Variants in KCNMB2 observed in about 807,000 individuals in gnomAD.
The protein encoded by KCNMB2 is calcium-activated potassium channel subunit beta-2.
In KCNMB2, 9 loss-of-function variants were observed where a neutral mutation model predicts 24.5. The observed-to-expected ratio is 0.37, with a 90% CI of 0.22 to 0.64. KCNMB2 has a LOEUF of 0.64. Among genes scored for constraint, KCNMB2 ranks in the 30% least tolerant of loss-of-function variants. KCNMB2 has a pLI of 0.63. For missense variants in KCNMB2, 226 were observed against 284.3 expected, an observed-to-expected ratio of 0.79 and a Z score of 1.47; for synonymous variants, 109 against 104.4, an observed-to-expected ratio of 1.04 and a Z score of -0.27.
intron 1 of KCNMB2, among the ~76,000 whole-genome samples, chr3:178,569,638 TG>T (rs1461645233): frequency 7.0e-6 from 1 of 143,394 alleles, no homozygotes; most frequent in African/African-American, 3.0e-5. Context: ...CCTCACAGCC[TG>T]GTGTATTGAA....
At chr3:178,562,583 T>G (rs1267884791) in intron 1 of KCNMB2, among the ~76,000 whole-genome samples, 1 of 152,274 alleles carries the variant, frequency 6.6e-6, no homozygotes, top group African/African-American at 2.4e-5. Context: ...CACTCTTCAG[T>G]AATGCCTTGG....
intron 1 of KCNMB2, among the ~76,000 whole-genome samples, chr3:178,778,462 A>ACGCACGTGCGCGCGCGCGCGCGCG (rs1437410515): frequency 1.6e-5 from 1 of 63,538 alleles, no homozygotes; most frequent in Non-Finnish European, 3.0e-5. Context: ...TAAGACACAC[A>ACGCACGTGCGCGCGCGCGCGCGCG]CACACACACA....
At chr3:178,815,558 A>G (rs1357692922) in intron 2 of KCNMB2, among the ~76,000 whole-genome samples, 2 of 152,162 alleles carry the variant, frequency 1.3e-5, no homozygotes, top group Non-Finnish European at 2.9e-5. Context: ...CTAGTAAATC[A>G]GTAAATCATG....
intron 1 of KCNMB2, among the ~76,000 whole-genome samples, chr3:178,789,642 T>C (rs1444417054): frequency 6.6e-6 from 1 of 152,140 alleles, no homozygotes; most frequent in African/African-American, 2.4e-5. Flanking sequence ...AATTCACAGC[T>C]GCCCTGTCAC....
chr3:178,698,606 C>T (rs948158361), intron 1 of KCNMB2, among the ~76,000 whole-genome samples: 1 of 152,216 alleles, frequency 6.6e-6, no homozygotes, highest in African/African-American at 2.4e-5. Flanking sequence ...ATACCGAATT[C>T]TATTTTCTGT....
intron 1 of KCNMB2, among the ~76,000 whole-genome samples, chr3:178,790,156 G>A (rs1004215627): frequency 5.3e-5 from 8 of 151,870 alleles, no homozygotes; most frequent in African/African-American, 1.9e-4. Context: ...ATACACTGTG[G>A]GCCAGAAGGG....
rs868271319 is a variant in KCNMB2 at position 178,757,720 on chromosome 3, G to A, written c.-67-49623G>A. Among the ~76,000 whole-genome samples the A allele has an allele frequency of 3.1e-4, 14 of 45,716 alleles. 3 individuals are homozygous for A. The highest frequency in any genetic ancestry group is 8.1e-4 in the Admixed American group (3 of 3,686). The allele number at this position is 45,716 out of a possible 152,430, so 30.0% of individuals were successfully genotyped here. Reference sequence around the variant, plus strand: ...TATATATCCAAGAGGATATATATATGTATATATATCCAAGAGGATATATAT... The same window carrying A: ...TATATATCCAAGAGGATATATATATATATATATATCCAAGAGGATATATAT... On this transcript the variant is annotated intron_variant, in intron 1 of 4. Coordinates refer to ENST00000452583, the MANE Select transcript of KCNMB2 (RefSeq NM_181361.3).
chr3:178,615,779 G>C (rs1415820217), intron 1 of KCNMB2, among the ~76,000 whole-genome samples: 4 of 152,206 alleles, frequency 2.6e-5, no homozygotes, highest in Non-Finnish European at 5.9e-5. Context: ...CTGTGGTTGT[G>C]CTGGAGCCTG....
At chr3:178,563,321 TA>T (rs1403012351) in intron 1 of KCNMB2, among the ~76,000 whole-genome samples, 2 of 152,226 alleles carry the variant, frequency 1.3e-5, no homozygotes, top group East Asian at 3.8e-4. Context: ...ATCTATTAAA[TA>T]AAATGAAGTT....
At chr3:178,608,696 C>T (rs1406066261) in intron 1 of KCNMB2, among the ~76,000 whole-genome samples, 1 of 152,100 alleles carries the variant, frequency 6.6e-6, no homozygotes. Context: ...TCCTGGGAAC[C>T]ACTCTTCTAC....
intron 1 of KCNMB2, among the ~76,000 whole-genome samples, chr3:178,589,051 T>A (rs1260645444): frequency 6.6e-6 from 1 of 152,214 alleles, no homozygotes; most frequent in Non-Finnish European, 1.5e-5. Context: ...GTTGCTTTTT[T>A]AAACCATCTT....
At chr3:178,616,851 G>T (rs1007993700) in intron 1 of KCNMB2, among the ~76,000 whole-genome samples, 1 of 152,090 alleles carries the variant, frequency 6.6e-6, no homozygotes, top group Admixed American at 6.5e-5. Flanking sequence ...CAAATCATTT[G>T]TAAAAATGGA....
At chr3:178,575,412 T>C (rs891585139) in intron 1 of KCNMB2, among the ~76,000 whole-genome samples, 1 of 152,124 alleles carries the variant, frequency 6.6e-6, no homozygotes, top group African/African-American at 2.4e-5. Context: ...ACATACCAAG[T>C]TTAAAATATG....
intron 1 of KCNMB2, among the ~76,000 whole-genome samples, chr3:178,566,519 A>C (rs750078380): frequency 6.6e-6 from 1 of 152,272 alleles, no homozygotes; most frequent in East Asian, 1.9e-4. Context: ...GCCATTCAAA[A>C]ACTTTCTCCA....
At chr3:178,771,759 C>T (rs527301859) in intron 1 of KCNMB2, among the ~76,000 whole-genome samples, 7 of 152,190 alleles carry the variant, frequency 4.6e-5, no homozygotes, top group South Asian at 2.1e-4. Context: ...ATTTGCCATT[C>T]GCCTGCCTTG....
chr3:178,564,562 C>G (rs1716448187), intron 1 of KCNMB2, among the ~76,000 whole-genome samples: 1 of 152,224 alleles, frequency 6.6e-6, no homozygotes, highest in South Asian at 2.1e-4. Flanking sequence ...AAACACCCCA[C>G]TTCTAGCAGG....
At chr3:178,786,846 AAAG>A (rs2108436836) in intron 1 of KCNMB2, among the ~76,000 whole-genome samples, 1 of 152,184 alleles carries the variant, frequency 6.6e-6, no homozygotes, top group South Asian at 2.1e-4. Context: ...TCAAAAAAAA[AAAG>A]AAATAAATAA....
intron 1 of KCNMB2, among the ~76,000 whole-genome samples, chr3:178,576,925 A>C (rs114122739): frequency 0.03 from 4,618 of 152,266 alleles, 231 homozygotes; most frequent in African/African-American, 0.11. Context: ...GCCTCAGCAG[A>C]CTTAAATATT....
chr3:178,692,974 T>C (rs1721739019), intron 1 of KCNMB2, among the ~76,000 whole-genome samples: 1 of 152,170 alleles, frequency 6.6e-6, no homozygotes, highest in Admixed American at 6.5e-5. Flanking sequence ...CCTCCCTAGT[T>C]AGGTGTATTC....
Sources: allele counts gnomAD v4.1 joint callset (sites outside exome capture counted in the v4.1 genomes callset), GRCh38; gene constraint gnomAD v4.1.1; transcripts MANE v1.5; gene names NCBI Gene and HGNC (gene_info 2026-07-23, HGNC 2026-07-21).